The following NEK6 variants were observed in gnomAD, a reference collection of about 807,000 sequenced individuals.
NEK6 encodes serine/threonine-protein kinase Nek6.
A neutral mutation model predicts 43.5 loss-of-function variants in NEK6; 27 were observed. That is an observed-to-expected ratio of 0.62 (90% confidence interval 0.46 to 0.86). The LOEUF is 0.86. Among genes scored for constraint, NEK6 ranks in the 40% least tolerant of loss-of-function variants. NEK6 has a pLI of 0.00. For missense variants in NEK6, 318 were observed against 414.4 expected (o/e 0.77, Z 2.02); for synonymous variants, 167 against 164.1 (o/e 1.02, Z -0.14).
chr9:124,331,210 C>G (rs10986318), intron 7 of NEK6, among the ~76,000 whole-genome samples: 89,247 of 147,004 alleles, frequency 0.61, 27,403 homozygotes, highest in East Asian at 0.79. Flanking sequence ...AGGTTGCAGT[C>G]AGCTGAGATG....
intron 3 of NEK6, among the ~76,000 whole-genome samples, chr9:124,313,537 T>C (rs1833653877): frequency 6.6e-6 from 1 of 152,062 alleles, no homozygotes; most frequent in African/African-American, 2.4e-5. Context: ...CCAGCTAATT[T>C]TTATATTTTT....
At chr9:124,266,672 T>C (rs1178657028) in intron 1 of NEK6, among the ~76,000 whole-genome samples, 2 of 152,244 alleles carry the variant, frequency 1.3e-5, no homozygotes, top group Non-Finnish European at 2.9e-5. Context: ...AACAGTGTTC[T>C]CCATGGCCAG....
chr9:124,317,107 T>G (rs1476539857), intron 4 of NEK6, among the ~76,000 whole-genome samples: 2 of 152,240 alleles, frequency 1.3e-5, no homozygotes, highest in African/African-American at 4.8e-5. Context: ...CACTTTCAAC[T>G]TGCCATTCAC....
At chr9:124,259,723 A>G (rs533459691) in intron 1 of NEK6, among the ~76,000 whole-genome samples, 2 of 152,286 alleles carry the variant, frequency 1.3e-5, no homozygotes, top group East Asian at 1.9e-4. Flanking sequence ...GTTCTTGCCT[A>G]ACTTCCCAGA....
chr9:124,345,320 C>T (rs1214401813), intron 8 of NEK6, among the ~76,000 whole-genome samples: 1 of 152,218 alleles, frequency 6.6e-6, no homozygotes, highest in African/African-American at 2.4e-5. Flanking sequence ...TCTTCACAGC[C>T]CATTGCCCTG....
intron 4 of NEK6, among the ~76,000 whole-genome samples, chr9:124,316,523 T>G (rs1833825245): frequency 6.6e-6 from 1 of 152,146 alleles, no homozygotes; most frequent in Non-Finnish European, 1.5e-5. Context: ...CCAACCACAT[T>G]GCGTCTTTGC....
At chr9:124,339,988 G>T (rs73666864) in intron 8 of NEK6, among the ~76,000 whole-genome samples, 1 of 152,180 alleles carries the variant, frequency 6.6e-6, no homozygotes, top group South Asian at 2.1e-4. Flanking sequence ...TTAACACACC[G>T]GCGATTCTGT....
In NEK6 at chr9:124,321,566, C is replaced by A; in HGVS notation, c.402C>A (p.Ile134=). 1 of 1,604,554 alleles carries A rather than the reference C, an allele frequency of 6.2e-7. No homozygotes were observed. The highest frequency in any genetic ancestry group is 8.5e-7 in the Non-Finnish European group (1 of 1,171,260). ...LADAGDLSQM[I]KYFKKQKRLI... ...ACGCAGGGGACCTCTCGCAGATGAT[C>A]AAGGTGAGCGCCTGGCGGGGTGGGG... Residue 134 remains isoleucine, a synonymous_variant, in exon 5 of 10, where the codon ATC becomes ATA. Transcript: ENST00000320246.
At chr9:124,330,976 T>C (rs1828952868) in intron 7 of NEK6, among the ~76,000 whole-genome samples, 1 of 152,166 alleles carries the variant, frequency 6.6e-6, no homozygotes, top group African/African-American at 2.4e-5. Flanking sequence ...TTTTGTTTTT[T>C]CGTTGGCCAG....
rs374884577 is a variant in NEK6, at chr9:124,291,707, G to C, written c.-29-10229G>C. ...CTGGGCCCCAGTGTGGATAGGTGGG[G>C]AGCGAGCACAAGGACCAAAGGAAAG... is the stretch of plus-strand genomic sequence containing the variant. On this transcript the variant is annotated intron_variant, in intron 1 of 9. Transcript: ENST00000320246. 3.2e-5 allele frequency: 13 copies of C among 400,476 alleles called. No homozygotes were observed. The East Asian group carries it at 1.3e-3, about 40-fold the overall frequency. 24.8% of individuals were successfully genotyped at this position (400,476 alleles called of 1,614,324 possible). A position where few individuals can be genotyped will look rare whatever the true frequency, so the allele number is the denominator to read the frequency against.
intron 3 of NEK6, 85 bp from the exon 4 acceptor site, chr9:124,313,838 G>T (rs1833674059): frequency 1.5e-6 from 2 of 1,377,736 alleles, no homozygotes; most frequent in Non-Finnish European, 1.0e-6. Flanking sequence ...GGAGAGCCGG[G>T]ACTGGAAAGC....
intron 1 of NEK6, chr9:124,259,301 C>T (rs1183854952): frequency 6.6e-6 from 1 of 152,156 alleles, no homozygotes; most frequent in Admixed American, 6.5e-5. Context: ...AAAATGTCGC[C>T]TTAGTTTGGT....
In NEK6 at chr9:124,327,429, C is replaced by T. The variant is rs145520134; in HGVS notation, c.606C>T (p.Thr202=). Residue 202 remains threonine, a synonymous_variant, in exon 7 of 10, where the codon ACC becomes ACT. Transcript: ENST00000320246. ...GCCGCTTCTTCAGCTCTGAGACCAC[C>T]GCAGCCCACTCCCTAGGTAAGGGGG... ...GLGRFFSSET[T]AAHSLVGTPY... is the part of the protein sequence containing the mutation. The T allele has an allele frequency of 2.5e-6, 4 of 1,612,836 alleles. No homozygotes were observed. Among genetic ancestry groups the T allele is most frequent in the South Asian group, 1.1e-5 (1 of 91,086 alleles).
intron 1 of NEK6, among the ~76,000 whole-genome samples, chr9:124,280,771 G>T (rs773102055): frequency 1.3e-5 from 2 of 152,266 alleles, no homozygotes; most frequent in African/African-American, 2.4e-5. Context: ...ATAATTTCAC[G>T]CTTTGCTTTG....
intron 7 of NEK6, among the ~76,000 whole-genome samples, chr9:124,338,114 G>A (rs1205296288): frequency 6.6e-6 from 1 of 152,128 alleles, no homozygotes; most frequent in Admixed American, 6.5e-5. Context: ...CTGAGTAGCT[G>A]GGATGACAGG....
At chr9:124,340,105 C>G (rs1829515772) in intron 8 of NEK6, among the ~76,000 whole-genome samples, 1 of 62,894 alleles carries the variant, frequency 1.6e-5, no homozygotes. Context: ...GTGGCCACCC[C>G]CTCCAGGCCC....
At position 124,302,031 on chromosome 9, in the gene NEK6, C is replaced by A. The variant is rs1833008867; in HGVS notation, c.67C>A (p.Pro23Thr). The change falls in exon 2 of 10, where the codon CCT becomes ACT. Residue 23 changes from proline to threonine, a missense_variant. Pro to Thr is a conservative substitution (Grantham distance 38). This residue lies in a region of NEK6 where 239 missense variants were observed against 344.4 expected (regional missense o/e 0.69). Transcript: ENST00000320246. The stretch of plus-strand genomic sequence containing the variant: ...CAACAACCTCTGCCACACCCTGGGG[C>A]CTGTGCATCCTCCTGACCCACAGGT... The part of the protein sequence containing the change: ...SSNNLCHTLG[P>T]VHPPDPQRHP... 1.2e-6 allele frequency: 2 copies of A among 1,604,344 alleles called. No individual in the cohort carries two copies. The highest frequency in any genetic ancestry group is 1.7e-6 in the Non-Finnish European group (2 of 1,175,276).
intron 1 of NEK6, among the ~76,000 whole-genome samples, chr9:124,286,097 A>G (rs1832146981): frequency 6.6e-6 from 1 of 151,322 alleles, no homozygotes; most frequent in Non-Finnish European, 1.5e-5. Context: ...CCGCAGTCAG[A>G]CTTTTTAAAC....
At chr9:124,299,753 C>G (rs935861246) in intron 1 of NEK6, among the ~76,000 whole-genome samples, 9 of 152,102 alleles carry the variant, frequency 5.9e-5, no homozygotes, top group Non-Finnish European at 1.2e-4. Flanking sequence ...TGTGCACAGA[C>G]TAAAAAGACA....
Sources: allele counts gnomAD v4.1 joint callset (sites outside exome capture counted in the v4.1 genomes callset), GRCh38; gene constraint gnomAD v4.1.1; regional missense constraint gnomAD v4.1.1; transcripts MANE v1.5; gene names NCBI Gene and HGNC (gene_info 2026-07-23, HGNC 2026-07-21).